Variants in FSTL4 observed in about 807,000 individuals in gnomAD.
FSTL4 encodes the protein follistatin like 4.
A neutral mutation model predicts 78.2 loss-of-function variants in FSTL4; 28 were observed. The ratio of observed to expected loss-of-function variants is 0.36; its 90% CI spans 0.27 to 0.49. FSTL4 has a LOEUF of 0.49. Among genes scored for constraint, FSTL4 ranks in the 20% least tolerant of loss-of-function variants. FSTL4 has a pLI of 0.98. For synonymous variants in FSTL4, 422 were observed against 440.5 expected (o/e 0.96, Z 0.53); for missense variants, 922 against 1,084.9 (o/e 0.85, Z 2.11).
chr5:133,237,376 C>A (rs897183394), intron 7 of FSTL4, among the ~76,000 whole-genome samples: 2 of 152,192 alleles, frequency 1.3e-5, no homozygotes, highest in African/African-American at 4.8e-5. Context: ...TTTAACCTCA[C>A]TGTCTGTTTC....
intron 14 of FSTL4, among the ~76,000 whole-genome samples, chr5:133,206,494 T>C (rs1304712092): frequency 6.6e-6 from 1 of 152,176 alleles, no homozygotes; most frequent in Admixed American, 6.5e-5. Flanking sequence ...CCTGAGTCGC[T>C]GGGATTACAG....
the FSTL4 span, among the ~76,000 whole-genome samples, chr5:133,831,252 A>G: frequency 6.6e-6 from 1 of 152,208 alleles, no homozygotes; most frequent in South Asian, 2.1e-4. Flanking sequence ...CCAACCTCTC[A>G]AACAGCAAGG....
intron 4 of FSTL4, among the ~76,000 whole-genome samples, chr5:133,357,726 C>G (rs904726311): frequency 3.3e-5 from 5 of 152,120 alleles, no homozygotes; most frequent in African/African-American, 1.2e-4. Flanking sequence ...AAGATTTACT[C>G]CTTCTGGCCT....
the FSTL4 span, among the ~76,000 whole-genome samples, chr5:133,799,570 A>AGG: frequency 7.2e-6 from 1 of 138,138 alleles, no homozygotes; most frequent in African/African-American, 2.7e-5. Context: ...CTGGGAGCCC[A>AGG]CTCAGACTCA....
chr5:133,495,177 A>G (rs1758344981), intron 3 of FSTL4, among the ~76,000 whole-genome samples: 1 of 152,210 alleles, frequency 6.6e-6, no homozygotes, highest in South Asian at 2.1e-4. Context: ...GATTGTAGCC[A>G]GTATGAGAGA....
At chr5:133,675,977 TG>T in the FSTL4 span, among the ~76,000 whole-genome samples, 2 of 152,134 alleles carry the variant, frequency 1.3e-5, no homozygotes, top group African/African-American at 4.8e-5. Context: ...CCCCGCCCTT[TG>T]TGACTCTGCC....
chr5:133,818,126 T>C, the FSTL4 span, among the ~76,000 whole-genome samples: 2 of 152,324 alleles, frequency 1.3e-5, no homozygotes, highest in East Asian at 3.9e-4. Context: ...GTCACCCCTT[T>C]AGGGAACGTG....
chr5:133,778,013 A>T, the FSTL4 span, among the ~76,000 whole-genome samples: 1 of 152,250 alleles, frequency 6.6e-6, no homozygotes, highest in Non-Finnish European at 1.5e-5. Flanking sequence ...TACTTCTGGG[A>T]AAACTGGGGG....
At chr5:133,762,273 T>C in the FSTL4 span, among the ~76,000 whole-genome samples, 4 of 151,894 alleles carry the variant, frequency 2.6e-5, no homozygotes, top group East Asian at 7.7e-4. Flanking sequence ...GCAAAGAGGG[T>C]CTTTCCATGC....
At chr5:133,707,990 C>A in the FSTL4 span, among the ~76,000 whole-genome samples, 1 of 151,840 alleles carries the variant, frequency 6.6e-6, no homozygotes, top group Non-Finnish European at 1.5e-5. Context: ...CTATGGATTC[C>A]TTGAAAGCTG....
In FSTL4 at chr5:133,225,035, C is replaced by T; in HGVS notation, c.1312+115G>A. On this transcript the variant is annotated intron_variant, in intron 10 of 15. Coordinates refer to ENST00000265342, the MANE Select transcript of FSTL4 (RefSeq NM_015082.2). This position sits in a 1 kb window ranked among gnomAD's most constrained non-coding sequence, Gnocchi z 4.6. ...TGCAAAGAGGGATATGAGGCTTACC[C>T]CTGTCTTCACGGGCTCATGGTTGGC... 2.5e-6 allele frequency: 3 copies of T among 1,218,150 alleles called. No homozygotes were observed. Among genetic ancestry groups the T allele is most frequent in the Admixed American group, 1.8e-5 (1 of 57,052 alleles). The allele number at this position is 1,218,150 out of a possible 1,614,324, so 75.5% of individuals were successfully genotyped here. A position where few individuals can be genotyped will look rare whatever the true frequency, so the allele number is the denominator to read the frequency against.
the FSTL4 span, among the ~76,000 whole-genome samples, chr5:133,716,403 T>C: frequency 6.6e-6 from 1 of 150,576 alleles, no homozygotes; most frequent in African/African-American, 2.4e-5. Flanking sequence ...ATATATATTC[T>C]TATATAAACT....
chr5:133,565,148 C>T (rs1296397026), intron 3 of FSTL4, among the ~76,000 whole-genome samples: 2 of 152,214 alleles, frequency 1.3e-5, no homozygotes, highest in Non-Finnish European at 2.9e-5. Flanking sequence ...TCAGCTATTA[C>T]TCATCTGTTC....
chr5:133,235,485 C>T (rs551549066), intron 7 of FSTL4, among the ~76,000 whole-genome samples: 5 of 127,502 alleles, frequency 3.9e-5, no homozygotes, highest in East Asian at 4.6e-4. Context: ...GGTGACAGAG[C>T]GAGACCCCAC....
chr5:133,789,743 T>C, the FSTL4 span, among the ~76,000 whole-genome samples: 2 of 152,198 alleles, frequency 1.3e-5, no homozygotes, highest in Non-Finnish European at 2.9e-5. Flanking sequence ...TCAAGGGCAT[T>C]CATCCAGGCT....
intron 4 of FSTL4, among the ~76,000 whole-genome samples, chr5:133,367,626 C>T (rs1257380362): frequency 6.6e-6 from 1 of 152,168 alleles, no homozygotes; most frequent in Non-Finnish European, 1.5e-5. Context: ...ACAGCTGCAG[C>T]TTGGCCACGC....
chr5:133,369,457 G>C (rs962583311), intron 4 of FSTL4, among the ~76,000 whole-genome samples: 5 of 152,034 alleles, frequency 3.3e-5, no homozygotes, highest in African/African-American at 4.8e-5. Flanking sequence ...ATGATGAGAA[G>C]GGGACTGAGA....
chr5:133,641,359 C>G, the FSTL4 span, among the ~76,000 whole-genome samples: 1 of 152,122 alleles, frequency 6.6e-6, no homozygotes, highest in Non-Finnish European at 1.5e-5. Flanking sequence ...TCCATTTATT[C>G]TAGATATTCT....
chr5:133,784,591 T>C, the FSTL4 span, among the ~76,000 whole-genome samples: 1 of 152,222 alleles, frequency 6.6e-6, no homozygotes, highest in Non-Finnish European at 1.5e-5. Context: ...AGAGCAGGGA[T>C]ATGATCTCTG....
Sources: allele counts gnomAD v4.1 joint callset (sites outside exome capture counted in the v4.1 genomes callset), GRCh38; gene constraint gnomAD v4.1.1; non-coding constraint Gnocchi (gnomAD v3.1); transcripts MANE v1.5; gene names NCBI Gene and HGNC (gene_info 2026-07-23, HGNC 2026-07-21).